FNBP1: variants seen among roughly 807,000 people sequenced by gnomAD.
The protein encoded by FNBP1 is formin-binding protein 1.
In FNBP1, 26 loss-of-function variants were observed where a neutral mutation model predicts 90.6. The observed-to-expected ratio is 0.29, with a 90% CI of 0.21 to 0.40. The LOEUF (loss-of-function observed/expected upper bound fraction) is 0.40, where lower values mean the gene tolerates loss of function less well. Ranked by LOEUF, FNBP1 falls within the 10% of genes least tolerant of loss-of-function variation. The pLI is 1.00. For synonymous variants in FNBP1, 260 were observed against 265.2 expected, an observed-to-expected ratio of 0.98 and a Z score of 0.19; for missense variants, 635 against 768.0, an observed-to-expected ratio of 0.83 and a Z score of 2.05.
chr9:129,915,987 G>A lies in FNBP1; in HGVS notation c.1171-7C>T. ...TTACCAGCTTGAGAGAAAGCTTCATGTAAAAATTGGAGAGGTATGGGAAAA... is the reference window on the plus strand; with the variant it reads ...TTACCAGCTTGAGAGAAAGCTTCATATAAAAATTGGAGAGGTATGGGAAAA... On this transcript the variant is annotated splice_polypyrimidine_tract_variant and splice_region_variant and intron_variant, in intron 10 of 16. Coordinates refer to ENST00000446176, the MANE Select transcript of FNBP1 (RefSeq NM_015033.3). The A allele has an allele frequency of 1.3e-6, 2 of 1,595,922 alleles. No homozygotes were observed. Among genetic ancestry groups the A allele is most frequent in the Non-Finnish European group, 1.7e-6 (2 of 1,167,200 alleles).
chr9:129,917,064 G>A (rs1428419109), intron 10 of FNBP1, among the ~76,000 whole-genome samples: 2 of 152,020 alleles, frequency 1.3e-5, no homozygotes, highest in Non-Finnish European at 2.9e-5. Context: ...CCAGGCAGGA[G>A]TGCAGTGGCG....
chr9:129,990,700 TA>T (rs1250996456), intron 2 of FNBP1, among the ~76,000 whole-genome samples: 1 of 152,010 alleles, frequency 6.6e-6, no homozygotes, highest in Non-Finnish European at 1.5e-5. Flanking sequence ...AATCAGGGAA[TA>T]GGGGATAGAG....
chr9:129,903,633 GC>G (rs1211225624), intron 12 of FNBP1, among the ~76,000 whole-genome samples: 1 of 151,914 alleles, frequency 6.6e-6, no homozygotes, highest in Non-Finnish European at 1.5e-5. Context: ...ATAAATAAAA[GC>G]CAATACTTTA....
intron 12 of FNBP1, among the ~76,000 whole-genome samples, chr9:129,908,002 C>T (rs1423774541): frequency 6.6e-6 from 1 of 152,054 alleles, no homozygotes; most frequent in African/African-American, 2.4e-5. Flanking sequence ...GCTGGGATTA[C>T]AGGTGTGAGC....
intron 7 of FNBP1, among the ~76,000 whole-genome samples, chr9:129,928,200 T>C (rs1348830999): frequency 1.3e-5 from 2 of 152,234 alleles, no homozygotes; most frequent in Non-Finnish European, 2.9e-5. Flanking sequence ...CATACCATTT[T>C]TGACAACCTA....
At chr9:130,029,665 C>T (rs937006687) in intron 1 of FNBP1, among the ~76,000 whole-genome samples, 2 of 152,126 alleles carry the variant, frequency 1.3e-5, no homozygotes, top group African/African-American at 4.8e-5. Flanking sequence ...ATCAAAACTA[C>T]CTAGAAGAGC....
At chr9:129,977,683 G>T (rs1277558621) in intron 4 of FNBP1, among the ~76,000 whole-genome samples, 1 of 151,822 alleles carries the variant, frequency 6.6e-6, no homozygotes, top group African/African-American at 2.4e-5. Context: ...GTAGAGAAGG[G>T]GTTTCACCAT....
intron 12 of FNBP1, 72 bp from the exon 13 acceptor site, chr9:129,903,073 C>A: frequency 1.4e-6 from 2 of 1,449,988 alleles, no homozygotes; most frequent in South Asian, 1.2e-5. Context: ...ACTCTTGTCA[C>A]CCAGGCTGGA....
intron 2 of FNBP1, among the ~76,000 whole-genome samples, chr9:129,981,347 C>G (rs1426336695): frequency 1.3e-5 from 2 of 152,106 alleles, no homozygotes; most frequent in Admixed American, 6.5e-5. Context: ...CCTCGGCCCC[C>G]CAAAGTGCCA....
chr9:129,995,325 G>A (rs2053815030), intron 1 of FNBP1, among the ~76,000 whole-genome samples: 1 of 152,140 alleles, frequency 6.6e-6, no homozygotes, highest in African/African-American at 2.4e-5. Context: ...TGTTATCTCT[G>A]GGTAATCATT....
At chr9:129,926,097 G>A (rs561206730) in intron 8 of FNBP1, among the ~76,000 whole-genome samples, 28 of 151,862 alleles carry the variant, frequency 1.8e-4, no homozygotes, top group African/African-American at 5.3e-4. Context: ...TCAGCCTCCC[G>A]AGTAGCTGGG....
intron 4 of FNBP1, among the ~76,000 whole-genome samples, chr9:129,978,061 C>T (rs1188432317): frequency 6.6e-6 from 1 of 151,578 alleles, no homozygotes; most frequent in Non-Finnish European, 1.5e-5. Flanking sequence ...TGCTCTGTCG[C>T]CCAGGTTGGA....
At chr9:129,915,771 G>C (rs564063713) in intron 11 of FNBP1, among the ~76,000 whole-genome samples, 195 bp downstream of exon 11, 2 of 152,318 alleles carry the variant, frequency 1.3e-5, no homozygotes, top group East Asian at 3.9e-4. Flanking sequence ...AACTTGAAAA[G>C]ATTAAGATCA....
chr9:130,005,265 C>T (rs1426202400), intron 1 of FNBP1, among the ~76,000 whole-genome samples: 2 of 151,816 alleles, frequency 1.3e-5, no homozygotes, highest in Non-Finnish European at 1.5e-5. Context: ...AAAAATGTGC[C>T]ATCACAAATA....
At chr9:130,034,977 T>C (rs941014845) in intron 1 of FNBP1, among the ~76,000 whole-genome samples, 2 of 152,062 alleles carry the variant, frequency 1.3e-5, no homozygotes, top group African/African-American at 4.8e-5. Context: ...AAAGACCCCG[T>C]CTCTACAAAA....
intron 1 of FNBP1, among the ~76,000 whole-genome samples, chr9:130,029,291 T>C (rs1438992465): frequency 1.3e-5 from 2 of 152,098 alleles, no homozygotes; most frequent in Admixed American, 6.6e-5. Flanking sequence ...CTGGCTAATT[T>C]TTTGTAGAGA....
chr9:130,009,737 G>A (rs1393857959), intron 1 of FNBP1, among the ~76,000 whole-genome samples: 1 of 152,136 alleles, frequency 6.6e-6, no homozygotes, highest in Non-Finnish European at 1.5e-5. Flanking sequence ...GGGAGGTGGA[G>A]GCTGCAGTCA....
chr9:129,986,541 C>T (rs938714284), intron 2 of FNBP1, among the ~76,000 whole-genome samples: 1 of 152,152 alleles, frequency 6.6e-6, no homozygotes, highest in Admixed American at 6.5e-5. Context: ...CCTGTAATCC[C>T]AGCACTTTGG....
chr9:129,915,724 A>G lies in FNBP1; in HGVS notation c.1185+242T>C, dbSNP rs144836822. Among the ~76,000 whole-genome samples, 397 of 152,320 alleles carry G rather than the reference A, an allele frequency of 2.6e-3. 9 individuals are homozygous for G. The highest frequency in any genetic ancestry group is 1.2e-3 in the South Asian group (6 of 4,822). Reference sequence around the variant, plus strand: ...GTCCTCCTCTCAAGGCCCCAGGAATAACACCAAGTCGTGAGTTAAATGTTA... The same window carrying G: ...GTCCTCCTCTCAAGGCCCCAGGAATGACACCAAGTCGTGAGTTAAATGTTA... On this transcript the variant is annotated intron_variant, in intron 11 of 16. Coordinates refer to ENST00000446176, the MANE Select transcript of FNBP1 (RefSeq NM_015033.3).
Sources: gnomAD v4.1 joint callset for allele counts (sites outside exome capture counted in the v4.1 genomes callset) on GRCh38, gnomAD v4.1.1 for gene constraint, MANE v1.5 for transcripts, NCBI Gene and HGNC (gene_info 2026-07-23, HGNC 2026-07-21) for gene names.